The following MST1 variants were observed in gnomAD, a reference collection of about 807,000 sequenced individuals.
MST1 encodes macrophage stimulating 1.
MST1 carries 76 observed loss-of-function variants against 100.1 expected under a neutral mutation model. That is an observed-to-expected ratio of 0.76 (90% CI 0.63 to 0.92). The LOEUF is 0.92. Ranked by LOEUF, MST1 falls within the 40% of genes least tolerant of loss-of-function variation. The pLI is 0.00. For missense variants in MST1, 850 were observed against 990.0 expected, an observed-to-expected ratio of 0.86 and a Z score of 1.90; for synonymous variants, 352 against 385.4, an observed-to-expected ratio of 0.91 and a Z score of 1.01.
rs773496502 is a variant in MST1 at position 49,684,860 on chromosome 3, C to T, written c.1647G>A (p.Glu549=). 5.0e-6 allele frequency: 8 copies of T among 1,613,472 alleles called. No individual in the cohort carries two copies. The African/African-American group carries it at 9.3e-5, about 19-fold the overall frequency. The change falls in exon 15 of 18, where the codon GAG becomes GAA. Residue 549 remains glutamate, a synonymous_variant. Transcript: ENST00000449682. ...SSCHMPLTGY[E]VWLGTLFQNP... ...TCTGGAACAGGGTGCCCAACCATAC[C>T]TCATAGCCCGTGAGAGGCATATGGC...
intron 1 of MST1, chr3:49,688,378 TC>T: frequency 1.8e-6 from 1 of 560,616 alleles, no homozygotes; most frequent in Non-Finnish European, 3.3e-6. Context: ...ATCTGTGTGG[TC>T]CTGACACTGC....
intron 10 of MST1, 26 bp from the exon 11 acceptor site, chr3:49,685,758 T>G: frequency 6.2e-7 from 1 of 1,612,956 alleles, no homozygotes; most frequent in Non-Finnish European, 8.5e-7. Flanking sequence ...AGCAAAATCG[T>G]GGCAGGGTAG....
rs750176279 is a variant in MST1 at position 49,686,271 on chromosome 3, G to A, written c.1016+42C>T. 6.9e-6 allele frequency: 11 copies of A among 1,583,138 alleles called. No homozygotes were observed. The Admixed American group carries it at 8.6e-5, about 12-fold the overall frequency. On this transcript the variant is annotated intron_variant, in intron 8 of 17. Coordinates refer to ENST00000449682, the MANE Select transcript of MST1 (RefSeq NM_020998.4). Reference sequence around the variant, plus strand: ...TGACTACCTTCCTCCCGTCTCACCCGCAGCAGCACGTCCCAACGCCCGCCC... The same window carrying A: ...TGACTACCTTCCTCCCGTCTCACCCACAGCAGCACGTCCCAACGCCCGCCC...
At position 49,687,010 on chromosome 3, in the gene MST1, G is replaced by A; in HGVS notation, c.665C>T (p.Ser222Leu). 1 of 1,611,468 alleles carries A rather than the reference G, an allele frequency of 6.2e-7. No individual in the cohort carries two copies. Among genetic ancestry groups the A allele is most frequent in the South Asian group, 1.1e-5 (1 of 91,020 alleles). The stretch of plus-strand genomic sequence containing the variant: ...ATCCCAGCGCTGGCACTCGCGCCCT[G>A]ACTCCGTGCGGTCTACCGCGCCGCG... ...EYRGAVDRTE[S>L]GRECQRWDLQ... The change falls in exon 6 of 18, where the codon TCA becomes TTA. Residue 222 changes from serine to leucine, a missense_variant. Coordinates refer to ENST00000449682, the MANE Select transcript of MST1 (RefSeq NM_020998.4).
At position 49,688,844 on chromosome 3, in the gene MST1, C is replaced by T. The variant is rs2054028782; in HGVS notation, c.-153G>A. 1 of 591,372 alleles carries T rather than the reference C, an allele frequency of 1.7e-6. No individual in the cohort carries two copies. Among genetic ancestry groups the T allele is most frequent in the Non-Finnish European group, 3.0e-6 (1 of 329,438 alleles). The allele number at this position is 591,372 out of a possible 1,614,324, so 36.6% of individuals were successfully genotyped here. On this transcript the variant is annotated 5_prime_UTR_variant, in exon 1 of 18. Coordinates refer to ENST00000449682, the MANE Select transcript of MST1 (RefSeq NM_020998.4). ...ATAGGTCAGTTGCAAGGGCCTAGTA[C>T]AGCTTAGTGGACAGGTGTTAGGAAG...
In MST1 at chr3:49,684,077, C is replaced by T. The variant is rs368191700; in HGVS notation, c.2129G>A (p.Arg710His). The stretch of plus-strand genomic sequence containing the variant: ...AATCCAGTCCACAAACACAGAGACA[C>T]GCGTGAAGACAGCTGGCCAGCGGGA... ...ARSRWPAVFT[R>H]VSVFVDWIHK... Residue 710 changes from arginine (R) to histidine (H), a missense_variant, in exon 18 of 18, where the codon CGT becomes CAT. This residue lies in a region of MST1 where 816 missense variants were observed against 924.6 expected (regional missense o/e 0.88). Transcript: ENST00000449682. 143 of 1,613,564 alleles carry T rather than the reference C, an allele frequency of 8.9e-5. No individual in the cohort carries two copies. Among genetic ancestry groups the T allele is most frequent in the Admixed American group, 2.0e-4 (12 of 60,002 alleles).
At chr3:49,686,289 G>GCCCCACCCCCCCCCCCCCCCCC in intron 8 of MST1, 24 bp downstream of exon 8, 1 of 1,235,664 alleles carries the variant, frequency 8.1e-7, no homozygotes, top group South Asian at 1.4e-5. Context: ...ACGTCCCAAC[G>GCCCCACCCCCCCCCCCCCCCCC]CCCGCCCCCC....
At position 49,686,158 on chromosome 3, in the gene MST1, C is replaced by A; in HGVS notation, c.1051G>T (p.Gly351Cys). 1.9e-6 allele frequency: 3 copies of A among 1,611,594 alleles called. No homozygotes were observed. Among genetic ancestry groups the A allele is most frequent in the African/African-American group, 1.3e-5 (1 of 74,970 alleles). The part of the protein sequence containing the change: ...LRENFCRNPD[G>C]SEAPWCFTLR... ...GTGAAGCACCAGGGCGCCTCTGAGC[C>A]GTCGGGGTTCCGGCAGAAGTTCTCC... Residue 351 changes from glycine to cysteine, a missense_variant, in exon 9 of 18, where the codon GGC becomes TGC. Gly to Cys is a radical substitution (Grantham distance 159). This residue lies in a region of MST1 where 816 missense variants were observed against 924.6 expected (regional missense o/e 0.88). Coordinates refer to ENST00000449682, the MANE Select transcript of MST1 (RefSeq NM_020998.4).
At chr3:49,686,548 C>T in intron 7 of MST1, 67 bp from the exon 8 acceptor site, 3 of 1,588,382 alleles carry the variant, frequency 1.9e-6, no homozygotes, top group Non-Finnish European at 2.6e-6. Context: ...TGGGACCAAA[C>T]CCGCCTTTCC....
rs1447293064 is a variant in MST1 at position 49,687,442 on chromosome 3, C to T, written c.392G>A (p.Gly131Glu). ...GGTCGTGGCCATGGTGCCCCGGTAC[C>T]CAACCCCATTGTTCATGATGCAGGT... Reference protein sequence around the residue: ...VRTCIMNNGVGYRGTMATTVG... With the variant: ...VRTCIMNNGVEYRGTMATTVG... The change falls in exon 4 of 18, where the codon GGG becomes GAG. Residue 131 changes from glycine to glutamate, a missense_variant. By Grantham distance (98) the Gly-to-Glu change is moderately conservative (BLOSUM62 -2). This residue lies in a region of MST1 where 816 missense variants were observed against 924.6 expected (regional missense o/e 0.88). Coordinates refer to ENST00000449682, the MANE Select transcript of MST1 (RefSeq NM_020998.4). 1 of 1,613,384 alleles carries T rather than the reference C, an allele frequency of 6.2e-7. No homozygotes were observed. Among genetic ancestry groups the T allele is most frequent in the Admixed American group, 1.7e-5 (1 of 60,022 alleles).
chr3:49,686,871 T>C (rs2053807389), intron 6 of MST1, 69 bp from the exon 7 acceptor site: 1 of 1,612,028 alleles, frequency 6.2e-7, no homozygotes, highest in Non-Finnish European at 8.5e-7. Context: ...CCAATTGCCC[T>C]ACACGGAGCC....
At chr3:49,686,885 C>G (rs2053809568) in intron 6 of MST1, 62 bp downstream of exon 6, 3 of 1,611,804 alleles carry the variant, frequency 1.9e-6, no homozygotes, top group Non-Finnish European at 2.5e-6. Flanking sequence ...CGGAGCCCTG[C>G]CCCTGGAGTC....
In MST1 at chr3:49,684,203, G is replaced by A. The variant is rs940403036; in HGVS notation, c.2017-14C>T. On this transcript the variant is annotated splice_polypyrimidine_tract_variant and intron_variant, in intron 17 of 17. Transcript: ENST00000449682. ...CCCGTAGTCACCCTGGCAGGTAGGA[G>A]AACTGATGAGGGCCCCGGGCCACAG... 1 of 1,610,748 alleles carries A rather than the reference G, an allele frequency of 6.2e-7. No individual in the cohort carries two copies. The highest frequency in any genetic ancestry group is 1.3e-5 in the African/African-American group (1 of 74,892).
Position 49,685,286 on chromosome 3 carries a change from G to A in MST1, c.1520C>T (p.Pro507Leu). 1.2e-6 allele frequency: 2 copies of A among 1,613,412 alleles called. No individual in the cohort carries two copies. Among genetic ancestry groups the A allele is most frequent in the Admixed American group, 3.3e-5 (2 of 60,012 alleles). ...RVVGGHPGNSPWTVSLRNRQG... is the reference protein window; with the variant it reads ...RVVGGHPGNSLWTVSLRNRQG... ...CCGATTCCGCAAGCTGACTGTCCAG[G>A]GTGAGTTGCCCGGATGGCCCCCAAC... Residue 507 changes from proline to leucine, a missense_variant, in exon 13 of 18, where the codon CCC becomes CTC. By Grantham distance (98) the Pro-to-Leu change is moderately conservative. Around this residue, in one of 2 missense-constraint regions of MST1, gnomAD observed 816 missense variants for 924.6 expected, o/e 0.88. Coordinates refer to ENST00000449682, the MANE Select transcript of MST1 (RefSeq NM_020998.4).
At position 49,684,342 on chromosome 3, in the gene MST1, C is replaced by G. The variant is rs1389662736; in HGVS notation, c.1988G>C (p.Gly663Ala). The stretch of plus-strand genomic sequence containing the variant: ...ACAGGCCCCCACAGGGGCCAACAGT[C>G]CCTCAGTGCACATCTCACTCTCCCG... ...RVRESEMCTE[G>A]LLAPVGACEG... The change falls in exon 17 of 18, where the codon GGA (glycine) becomes GCA (alanine). Residue 663 changes from glycine to alanine, a missense_variant. By Grantham distance (60) the Gly-to-Ala change is moderately conservative. Transcript: ENST00000449682. 4 of 1,613,102 alleles carry G rather than the reference C, an allele frequency of 2.5e-6. No individual in the cohort carries two copies. The highest frequency in any genetic ancestry group is 3.4e-6 in the Non-Finnish European group (4 of 1,179,868).
chr3:49,687,486 C>G lies in MST1; in HGVS notation c.356-8G>C, dbSNP rs765229580. 6.2e-7 allele frequency: 1 copy of G among 1,613,490 alleles called. No individual in the cohort carries two copies. Among genetic ancestry groups the G allele is most frequent in the Non-Finnish European group, 8.5e-7 (1 of 1,179,864 alleles). ...TGCAGGTCCGTACGTAGTCTGGGAG[C>G]AAGAGACAGAAGATCAACTTGGGCT... On this transcript the variant is annotated splice_region_variant and splice_polypyrimidine_tract_variant and intron_variant, in intron 3 of 17. Coordinates refer to ENST00000449682, the MANE Select transcript of MST1 (RefSeq NM_020998.4).
chr3:49,684,737 C>T lies in MST1; in HGVS notation c.1769+1G>A. 2 of 1,613,328 alleles carry T rather than the reference C, an allele frequency of 1.2e-6. No individual in the cohort carries two copies. Among genetic ancestry groups the T allele is most frequent in the South Asian group, 1.1e-5 (1 of 91,042 alleles). On this transcript the variant is annotated splice_donor_variant, in intron 15 of 17. Coordinates refer to ENST00000449682, the MANE Select transcript of MST1 (RefSeq NM_020998.4). LOFTEE classifies it high-confidence loss of function. ...CACACCCTCCCAGGTTGTCCACATA[C>T]CTCTCCAGCTTGAGCAGGACAAGCT...
intron 1 of MST1, 84 bp from the exon 2 acceptor site, chr3:49,687,981 C>T: frequency 1.4e-6 from 2 of 1,457,766 alleles, no homozygotes; most frequent in African/African-American, 1.5e-5. Context: ...TTTGTTCATT[C>T]AGGGGATCAA....
At position 49,689,463 on chromosome 3, in the gene MST1, T is replaced by C. The variant is rs1322078100; in HGVS notation, c.-772A>G. 6.6e-6 allele frequency: 1 copy of C among 152,350 alleles called. No homozygotes were observed. Among genetic ancestry groups the C allele is most frequent in the Non-Finnish European group, 1.5e-5 (1 of 68,142 alleles). The allele number at this position is 152,350 out of a possible 1,614,324, so 9.4% of individuals were successfully genotyped here. On this transcript the variant is annotated 5_prime_UTR_variant, in exon 1 of 18. Transcript: ENST00000449682. Reference sequence around the variant, plus strand: ...GTGGGAAGCCATGGAGGGGGTCCCCTAGCGGAGGCTGGGCGCGGGCCAGTG... The same window carrying C: ...GTGGGAAGCCATGGAGGGGGTCCCCCAGCGGAGGCTGGGCGCGGGCCAGTG...
Sources: gnomAD v4.1 joint callset for allele counts on GRCh38, gnomAD v4.1.1 for gene constraint, gnomAD v4.1.1 regional missense constraint, MANE v1.5 for transcripts, NCBI Gene and HGNC (gene_info 2026-07-23, HGNC 2026-07-21) for gene names.